Variants in ABCG1 observed in about 807,000 individuals in gnomAD.
The protein encoded by ABCG1 is ATP-binding cassette sub-family G member 1.
ABCG1 carries 29 observed loss-of-function variants against 69.2 expected under a neutral mutation model. The observed-to-expected ratio is 0.42, with a 90% CI of 0.31 to 0.57. ABCG1 has a LOEUF of 0.57. Among genes scored for constraint, ABCG1 ranks in the 20% least tolerant of loss-of-function variants. The probability of loss-of-function intolerance (pLI) is 0.15; values close to 1 mark genes in which losing one functional copy is unlikely to be tolerated. For synonymous variants in ABCG1, 370 were observed against 374.8 expected (o/e 0.99, Z 0.15); for missense variants, 718 against 898.1 (o/e 0.80, Z 2.56).
chr21:42,244,251 T>C (rs1308438533), intron 2 of ABCG1, among the ~76,000 whole-genome samples: 1 of 152,200 alleles, frequency 6.6e-6, no homozygotes, highest in Non-Finnish European at 1.5e-5. Flanking sequence ...GGAGTGGACA[T>C]GGGAGCTCAC....
At chr21:42,262,882 G>A (rs1410286982) in intron 2 of ABCG1, among the ~76,000 whole-genome samples, 3 of 152,226 alleles carry the variant, frequency 2.0e-5, no homozygotes, top group African/African-American at 7.2e-5. Flanking sequence ...AGGCTGGCGC[G>A]GTGCCCACCC....
intron 2 of ABCG1, among the ~76,000 whole-genome samples, chr21:42,234,268 C>T (rs962646481): frequency 2.0e-5 from 3 of 152,162 alleles, no homozygotes; most frequent in African/African-American, 7.2e-5. Context: ...CTCCCTGCCT[C>T]TATAAGCGCC....
intron 2 of ABCG1, among the ~76,000 whole-genome samples, chr21:42,258,068 A>C (rs1330527717): frequency 2.0e-3 from 122 of 62,162 alleles, no homozygotes; most frequent in Admixed American, 2.8e-3. Flanking sequence ...TCACCTCTTC[A>C]TCCACTCCAT....
chr21:42,204,204 T>C (rs1324251584), intron 2 of ABCG1, among the ~76,000 whole-genome samples: 1 of 152,228 alleles, frequency 6.6e-6, no homozygotes, highest in Non-Finnish European at 1.5e-5. Context: ...CAGTTTTGCT[T>C]TTTTTTCCCT....
chr21:42,260,058 A>C (rs575739364), intron 2 of ABCG1: 2 of 1,550,604 alleles, frequency 1.3e-6, no homozygotes, highest in Admixed American at 2.0e-5. Flanking sequence ...GGTGGTCGCT[A>C]TCAGTGGCAA....
intron 2 of ABCG1, among the ~76,000 whole-genome samples, chr21:42,233,146 G>A (rs2067925160): frequency 6.6e-6 from 1 of 152,232 alleles, no homozygotes. Flanking sequence ...CAGGGATCCA[G>A]TCTGACCTGC....
upstream of ABCG1, chr21:42,216,332 C>A (rs751643895): frequency 1.2e-5 from 4 of 331,614 alleles, no homozygotes; most frequent in East Asian, 9.6e-5. Context: ...GCAGAAATTT[C>A]TGTTGGGGTT....
At chr21:42,259,866 C>A in intron 2 of ABCG1, 1 of 1,430,540 alleles carries the variant, frequency 7.0e-7, no homozygotes, top group Non-Finnish European at 9.2e-7. Context: ...AGAGAGAGGC[C>A]AATGGCAAAG....
At chr21:42,260,787 C>G (rs923035636) in intron 2 of ABCG1, among the ~76,000 whole-genome samples, 1 of 152,060 alleles carries the variant, frequency 6.6e-6, no homozygotes, top group Non-Finnish European at 1.5e-5. Flanking sequence ...ACCCACTTTT[C>G]CCCACAGCCC....
intron 2 of ABCG1, among the ~76,000 whole-genome samples, chr21:42,243,485 T>C (rs1031206156): frequency 1.4e-5 from 2 of 147,968 alleles, no homozygotes; most frequent in Admixed American, 1.3e-4. Context: ...TGTGTGTGTG[T>C]GTGTGCGCTG....
chr21:42,284,279 G>A lies in ABCG1; in HGVS notation c.735-281G>A. Among the ~76,000 whole-genome samples the A allele has an allele frequency of 1.3e-5, 2 of 151,594 alleles. 1 individual carries two copies. Among genetic ancestry groups the A allele is most frequent in the Admixed American group, 1.3e-4 (2 of 15,258 alleles). Reference sequence around the variant, plus strand: ...GTGAAGTCCCTCCCTGCCCAGATGAGTGGGGACCCCCCCCCAGTCCTGGAC... The same window carrying A: ...GTGAAGTCCCTCCCTGCCCAGATGAATGGGGACCCCCCCCCAGTCCTGGAC... On this transcript the variant is annotated intron_variant, in intron 6 of 14. Coordinates refer to ENST00000398449, the MANE Select transcript of ABCG1 (RefSeq NM_016818.3).
intron 2 of ABCG1, 45 bp downstream of exon 2, chr21:42,225,959 T>A (rs1258060238): frequency 1.3e-6 from 2 of 1,593,518 alleles, no homozygotes; most frequent in East Asian, 4.5e-5. Context: ...GAGGAGCCTC[T>A]GAAGGAGGCA....
Position 42,219,750 on chromosome 21 carries a change from C to T in ABCG1, c.42+446C>T. 1.5e-6 allele frequency: 2 copies of T among 1,346,178 alleles called. No homozygotes were observed. The highest frequency in any genetic ancestry group is 1.9e-6 in the Non-Finnish European group (2 of 1,030,176). 83.4% of individuals were successfully genotyped at this position (1,346,178 alleles called of 1,614,324 possible). On this transcript the variant is annotated intron_variant, in intron 1 of 14. Coordinates refer to ENST00000398449, the MANE Select transcript of ABCG1 (RefSeq NM_016818.3). The surrounding 1 kb of genome is among the most constrained non-coding windows in gnomAD (Gnocchi z 5.3). ...CTGTGGGCTTGGGGACCGGGGACTT[C>T]TCGCGCCATCCCCAGGAACGCCAGG...
At chr21:42,249,570 G>A (rs1455965460) in intron 2 of ABCG1, among the ~76,000 whole-genome samples, 1 of 152,202 alleles carries the variant, frequency 6.6e-6, no homozygotes, top group African/African-American at 2.4e-5. Context: ...GTGAGTTAAT[G>A]TATGCGAAAG....
upstream of ABCG1, among the ~76,000 whole-genome samples, chr21:42,212,762 C>T (rs989389831): frequency 2.7e-5 from 4 of 147,926 alleles, no homozygotes; most frequent in Admixed American, 6.8e-5. Flanking sequence ...GGCACAATCT[C>T]GGCTCACTGC....
At position 42,276,111 on chromosome 21, in the gene ABCG1, G is replaced by C. The variant is rs991770009; in HGVS notation, c.538-784G>C. Among the ~76,000 whole-genome samples, 1 of 151,916 alleles carries C rather than the reference G, an allele frequency of 6.6e-6. No homozygotes were observed. The highest frequency in any genetic ancestry group is 1.5e-5 in the Non-Finnish European group (1 of 68,004). On this transcript the variant is annotated intron_variant, in intron 4 of 14. Transcript: ENST00000398449. This position sits in a 1 kb window ranked among gnomAD's most constrained non-coding sequence, Gnocchi z 5.3. ...CTCACCATTGTGCCAGTGAGGAAAT[G>C]GAGGTTGCACGTTTGCCCAAGGCCA... is the stretch of plus-strand genomic sequence containing the variant.
chr21:42,260,818 T>A (rs1601406775), intron 2 of ABCG1, among the ~76,000 whole-genome samples: 1 of 149,302 alleles, frequency 6.7e-6, no homozygotes, highest in Non-Finnish European at 1.5e-5. Flanking sequence ...TGCCTCCCTC[T>A]CTCCCATTTT....
chr21:42,241,601 T>C (rs2068052073), intron 2 of ABCG1, among the ~76,000 whole-genome samples: 2 of 116,070 alleles, frequency 1.7e-5, no homozygotes, highest in Admixed American at 8.6e-5. Flanking sequence ...TGAGACCCTG[T>C]CTCAAAAAAA....
At chr21:42,283,062 C>T (rs1285952863) in intron 6 of ABCG1, among the ~76,000 whole-genome samples, 1 of 152,242 alleles carries the variant, frequency 6.6e-6, no homozygotes, top group African/African-American at 2.4e-5. Context: ...TGCATGTGTC[C>T]TGTCCAGTTG....
Sources: allele counts gnomAD v4.1 joint callset (sites outside exome capture counted in the v4.1 genomes callset), GRCh38; gene constraint gnomAD v4.1.1; non-coding constraint Gnocchi (gnomAD v3.1); transcripts MANE v1.5; gene names NCBI Gene and HGNC (gene_info 2026-07-23, HGNC 2026-07-21).